Variants in ERLIN1 observed in about 807,000 individuals in gnomAD.
ERLIN1 encodes erlin-1.
Under a neutral mutation model 46.9 loss-of-function variants are expected in ERLIN1, and 24 were observed. The ratio of observed to expected loss-of-function variants is 0.51; its 90% CI spans 0.37 to 0.72. ERLIN1 has a LOEUF of 0.72. Among genes scored for constraint, ERLIN1 ranks in the 30% least tolerant of loss-of-function variants. The pLI is 0.00. For missense variants in ERLIN1, 293 were observed against 417.9 expected, an observed-to-expected ratio of 0.70 and a Z score of 2.61; for synonymous variants, 158 against 143.2, an observed-to-expected ratio of 1.10 and a Z score of -0.74.
intron 2 of ERLIN1, among the ~76,000 whole-genome samples, 163 bp downstream of exon 2, chr10:100,183,593 A>G (rs554665851): frequency 4.6e-5 from 7 of 152,352 alleles, no homozygotes; most frequent in Middle Eastern, 3.4e-3. Flanking sequence ...GTTTAACATC[A>G]TAACTTGTGT....
rs1331179981 is a variant in ERLIN1 at position 100,184,778 on chromosome 10, T to G, written c.113+736A>C. 3.3e-5 allele frequency among the ~76,000 whole-genome samples: 5 copies of G among 152,320 alleles called. No homozygotes were observed. In the East Asian group the frequency reaches 9.6e-4, roughly 29 times the overall value. On this transcript the variant is annotated intron_variant, in intron 1 of 10. Coordinates refer to ENST00000421367, the MANE Select transcript of ERLIN1 (RefSeq NM_006459.4). ...CTCTTTTTCTAGGATTCAGGATGGATTTGAAAGTAGAAATATCAGTTTTGA... is the reference window on the plus strand; with the variant it reads ...CTCTTTTTCTAGGATTCAGGATGGAGTTGAAAGTAGAAATATCAGTTTTGA...
intron 2 of ERLIN1, among the ~76,000 whole-genome samples, chr10:100,183,028 A>ATAAGAT (rs1310532466): frequency 6.6e-6 from 1 of 152,228 alleles, no homozygotes; most frequent in African/African-American, 2.4e-5. Flanking sequence ...AAGCCTAGAC[A>ATAAGAT]TAAGATTACA....
chr10:100,180,046 C>T (rs1844548294), intron 2 of ERLIN1, among the ~76,000 whole-genome samples: 1 of 152,216 alleles, frequency 6.6e-6, no homozygotes, highest in Non-Finnish European at 1.5e-5. Context: ...AAGCTGTGGT[C>T]AACATTTTAG....
intron 1 of ERLIN1, among the ~76,000 whole-genome samples, chr10:100,185,141 C>T (rs1844889465): frequency 6.6e-6 from 1 of 152,042 alleles, no homozygotes; most frequent in South Asian, 2.1e-4. Flanking sequence ...TAAGAAACAA[C>T]CATAAACATA....
At chr10:100,164,541 G>T (rs1843530024) in intron 7 of ERLIN1, among the ~76,000 whole-genome samples, 1 of 152,200 alleles carries the variant, frequency 6.6e-6, no homozygotes, top group African/African-American at 2.4e-5. Context: ...GCCCTCCTCA[G>T]GTGGGCACCC....
At chr10:100,174,129 A>G in intron 6 of ERLIN1, 79 bp downstream of exon 6, 1 of 907,588 alleles carries the variant, frequency 1.1e-6, no homozygotes, top group Non-Finnish European at 1.8e-6. Flanking sequence ...TAATTGCTGA[A>G]TAAAACAATC....
intron 8 of ERLIN1, among the ~76,000 whole-genome samples, chr10:100,160,958 GA>G (rs777881051): frequency 1.3e-5 from 2 of 152,084 alleles, no homozygotes; most frequent in Non-Finnish European, 2.9e-5. Flanking sequence ...AAAAAATTCT[GA>G]AAGTTTTAAC....
chr10:100,163,242 A>G (rs1040184344), intron 8 of ERLIN1, among the ~76,000 whole-genome samples: 1 of 152,200 alleles, frequency 6.6e-6, no homozygotes, highest in African/African-American at 2.4e-5. Flanking sequence ...TTACACACTT[A>G]CAGTAAAAGT....
chr10:100,155,045 T>TA (rs1842999765), intron 9 of ERLIN1, 106 bp from the exon 10 acceptor site: 1 of 935,920 alleles, frequency 1.1e-6, no homozygotes, highest in Non-Finnish European at 1.6e-6. Flanking sequence ...TTGAAAGTTT[T>TA]AAAAACCTAT....
rs533625452 is a variant in ERLIN1 at position 100,176,088 on chromosome 10, C to A, written c.305-18G>T. The A allele has an allele frequency of 6.2e-7, 1 of 1,601,200 alleles. No individual in the cohort carries two copies. The highest frequency in any genetic ancestry group is 1.7e-5 in the Admixed American group (1 of 58,626). ...ATCAAACACTGAAGGAGAGGTACAA[C>A]CCATGTTTGTTTTACCCAACAATGA... is the stretch of plus-strand genomic sequence containing the variant. On this transcript the variant is annotated intron_variant, in intron 4 of 10. Coordinates refer to ENST00000421367, the MANE Select transcript of ERLIN1 (RefSeq NM_006459.4).
chr10:100,161,076 G>C (rs1047629373), intron 8 of ERLIN1, among the ~76,000 whole-genome samples: 1 of 152,168 alleles, frequency 6.6e-6, no homozygotes, highest in Non-Finnish European at 1.5e-5. Context: ...TTAAGGACAA[G>C]AATACTTGTC....
chr10:100,156,371 G>C, intron 8 of ERLIN1, 137 bp from the exon 9 acceptor site: 1 of 621,978 alleles, frequency 1.6e-6, no homozygotes, highest in South Asian at 1.9e-5. Flanking sequence ...GTTTTATCTA[G>C]TCAGACTGTA....
intron 3 of ERLIN1, 129 bp from the exon 4 acceptor site, chr10:100,178,323 CT>C: frequency 1.7e-6 from 1 of 601,434 alleles, no homozygotes; most frequent in Non-Finnish European, 2.9e-6. Context: ...AGTTCGCTTC[CT>C]TTTTCATAGC....
rs1207198874 is a variant in ERLIN1 at position 100,154,866 on chromosome 10, T to A, written c.819A>T (p.Ser273=). The change falls in exon 10 of 11, where the codon TCA becomes TCT. Residue 273 remains serine, a synonymous_variant. Coordinates refer to ENST00000421367, the MANE Select transcript of ERLIN1 (RefSeq NM_006459.4). Reference sequence around the variant, plus strand: ...TGGCCAGGGAGCCAGTCACCTTGTTTGAGGTGGCATATTTGTGTGCAGCAT... The same window carrying A: ...TGGCCAGGGAGCCAGTCACCTTGTTAGAGGTGGCATATTTGTGTGCAGCAT... ...EYYAAHKYAT[S]NKHKLTPEYL... 6.2e-7 allele frequency: 1 copy of A among 1,613,614 alleles called. No homozygotes were observed. The highest frequency in any genetic ancestry group is 1.3e-5 in the African/African-American group (1 of 75,038).
chr10:100,152,768 C>G (rs1842873741), intron 10 of ERLIN1, among the ~76,000 whole-genome samples: 2 of 152,064 alleles, frequency 1.3e-5, no homozygotes, highest in African/African-American at 4.8e-5. Context: ...TGTTGCCAGG[C>G]TGGTCTCAAA....
At chr10:100,159,373 A>C (rs1050898628) in intron 8 of ERLIN1, among the ~76,000 whole-genome samples, 2 of 152,142 alleles carry the variant, frequency 1.3e-5, no homozygotes, top group African/African-American at 4.8e-5. Flanking sequence ...AGAAGGCAAA[A>C]ATTAGAAGAA....
intron 10 of ERLIN1, among the ~76,000 whole-genome samples, chr10:100,154,288 T>C (rs891150888): frequency 5.9e-5 from 9 of 152,166 alleles, no homozygotes; most frequent in Non-Finnish European, 1.3e-4. Flanking sequence ...CCACATGAAA[T>C]TCCTCATGAC....
At chr10:100,172,365 T>C (rs1367866977) in intron 6 of ERLIN1, among the ~76,000 whole-genome samples, 1 of 152,234 alleles carries the variant, frequency 6.6e-6, no homozygotes, top group Non-Finnish European at 1.5e-5. Context: ...CCCTGCATAA[T>C]AAGATTACTG....
At chr10:100,182,327 GC>G (rs1844707054) in intron 2 of ERLIN1, among the ~76,000 whole-genome samples, 2 of 152,004 alleles carry the variant, frequency 1.3e-5, no homozygotes, top group Admixed American at 6.6e-5. Flanking sequence ...ACTGCGCCGG[GC>G]CTTAGAGTCT....
Sources: gnomAD v4.1 joint callset for allele counts (sites outside exome capture counted in the v4.1 genomes callset) on GRCh38, gnomAD v4.1.1 for gene constraint, MANE v1.5 for transcripts, NCBI Gene and HGNC (gene_info 2026-07-23, HGNC 2026-07-21) for gene names.